GADL1: variants seen among roughly 807,000 people sequenced by gnomAD.
GADL1 encodes acidic amino acid decarboxylase GADL1.
In GADL1, 71 loss-of-function variants were observed where a neutral mutation model predicts 69.5. The observed-to-expected ratio is 1.02, with a 90% CI of 0.84 to 1.25. The LOEUF (loss-of-function observed/expected upper bound fraction) is 1.25. GADL1 is among the 50% of genes most tolerant of loss of function. The pLI, the probability that GADL1 is intolerant of heterozygous loss-of-function variation, is 0.00. For missense variants in GADL1, 737 were observed against 631.8 expected (o/e 1.17, Z -1.79); for synonymous variants, 254 against 214.4 (o/e 1.18, Z -1.62).
intron 14 of GADL1, among the ~76,000 whole-genome samples, chr3:30,751,118 G>A (rs535084373): frequency 3.4e-4 from 51 of 152,170 alleles, no homozygotes; most frequent in Non-Finnish European, 5.6e-4. Context: ...GGCAAGATTG[G>A]GCAGCTTACG....
chr3:30,757,029 C>A (rs1281073398), intron 14 of GADL1, among the ~76,000 whole-genome samples: 1 of 152,116 alleles, frequency 6.6e-6, no homozygotes. Flanking sequence ...CAGCATTACC[C>A]CTCAGCTTCC....
Position 30,728,275 on chromosome 3 carries a change from C to T in GADL1, c.1533G>A (p.Leu511=), listed in dbSNP as rs1559481131. The T allele has an allele frequency of 6.2e-7, 1 of 1,613,838 alleles. No homozygotes were observed. The highest frequency in any genetic ancestry group is 8.5e-7 in the Non-Finnish European group (1 of 1,179,808). The change falls in exon 15 of 15, where the codon CTG becomes CTA. Residue 511 remains leucine, a synonymous_variant. Transcript: ENST00000282538. Reference sequence around the variant, plus strand: ...CTTTACCCAGTAAGTCTATCTCATCCAGGAGGAAGTCCATGTCCTCCCGGC... The same window carrying T: ...CTTTACCCAGTAAGTCTATCTCATCTAGGAGGAAGTCCATGTCCTCCCGGC... ...QVSREDMDFL[L]DEIDLLGKDM is the part of the protein sequence containing the mutation.
chr3:30,763,677 T>C (rs1476563217), intron 14 of GADL1, among the ~76,000 whole-genome samples: 1 of 152,186 alleles, frequency 6.6e-6, no homozygotes, highest in Non-Finnish European at 1.5e-5. Flanking sequence ...TCTCAGAATT[T>C]ATTGAATACC....
At chr3:30,857,474 A>T (rs957448276) in intron 2 of GADL1, among the ~76,000 whole-genome samples, 2 of 152,038 alleles carry the variant, frequency 1.3e-5, no homozygotes, top group African/African-American at 4.8e-5. Context: ...ATTAAAAAAG[A>T]TAAAAAATTC....
intron 11 of GADL1, among the ~76,000 whole-genome samples, chr3:30,807,575 A>G (rs2125510408): frequency 6.6e-6 from 1 of 152,310 alleles, no homozygotes. Context: ...TAAAATAAGA[A>G]TGACCCAGGG....
rs1435439265 is a variant in GADL1 at position 30,785,385 on chromosome 3, T to TTTAC, written c.1302+969_1302+970insGTAA. Reference sequence around the variant, plus strand: ...CAAAAAAGCTAGATTTCTTTTTCTTTTTTTTTTTTTCCCCCCGAGACAGAG... The same window carrying TTTAC: ...CAAAAAAGCTAGATTTCTTTTTCTTTTTACTTTTTTTTTTCCCCCCGAGACAGAG... On this transcript the variant is annotated intron_variant, in intron 13 of 14. Transcript: ENST00000282538. Among the ~76,000 whole-genome samples the TTTAC allele has an allele frequency of 1.1e-4, 16 of 142,026 alleles. No individual in the cohort carries two copies. The East Asian group carries it at 6.8e-3, about 60-fold the overall frequency. 93.2% of individuals were successfully genotyped at this position (142,026 alleles called of 152,430 possible).
chr3:30,739,657 T>A (rs1015143322), intron 14 of GADL1, among the ~76,000 whole-genome samples: 7 of 152,192 alleles, frequency 4.6e-5, no homozygotes, highest in Admixed American at 3.3e-4. Context: ...CCTTGGTATT[T>A]CAATCTCAGA....
intron 11 of GADL1, among the ~76,000 whole-genome samples, chr3:30,803,310 T>G (rs1444889180): frequency 6.6e-6 from 1 of 152,176 alleles, no homozygotes; most frequent in African/African-American, 2.4e-5. Context: ...TTTGGTTGTT[T>G]CCATAGCAAC....
chr3:30,812,534 G>T (rs1480562421), intron 11 of GADL1, among the ~76,000 whole-genome samples: 2 of 152,110 alleles, frequency 1.3e-5, no homozygotes, highest in African/African-American at 4.8e-5. Context: ...GAATAGCATG[G>T]GAAAGACCTG....
chr3:30,825,683 C>T (rs370718521), intron 11 of GADL1, among the ~76,000 whole-genome samples: 4 of 116,852 alleles, frequency 3.4e-5, no homozygotes, highest in Non-Finnish European at 7.0e-5. Context: ...AGAAAACCAA[C>T]GCTGCAGGTT....
intron 14 of GADL1, among the ~76,000 whole-genome samples, chr3:30,729,150 T>C (rs1442400611): frequency 1.3e-5 from 2 of 152,182 alleles, no homozygotes; most frequent in African/African-American, 4.8e-5. Context: ...ATAATCCAGA[T>C]ACACAGATTT....
chr3:30,784,607 C>CT (rs1274720475), intron 13 of GADL1, among the ~76,000 whole-genome samples: 1 of 152,224 alleles, frequency 6.6e-6, no homozygotes, highest in African/African-American at 2.4e-5. Context: ...ATTTCCCAAA[C>CT]TTCCCTGAGG....
intron 11 of GADL1, among the ~76,000 whole-genome samples, chr3:30,810,474 G>A (rs1217324244): frequency 6.6e-6 from 1 of 152,158 alleles, no homozygotes; most frequent in Non-Finnish European, 1.5e-5. Context: ...CCCTTTGGTT[G>A]ATATGCTCTT....
chr3:30,849,727 T>A (rs1316285162), intron 6 of GADL1, among the ~76,000 whole-genome samples: 1 of 152,152 alleles, frequency 6.6e-6, no homozygotes, highest in Non-Finnish European at 1.5e-5. Flanking sequence ...AAAAAGAGAT[T>A]CACAGAGATA....
At chr3:30,879,575 T>A (rs559191479) in intron 1 of GADL1, among the ~76,000 whole-genome samples, 1 of 152,008 alleles carries the variant, frequency 6.6e-6, no homozygotes, top group East Asian at 1.9e-4. Flanking sequence ...AACTATCATA[T>A]AACCATCCAC....
chr3:30,857,580 C>G (rs2125535291), intron 2 of GADL1, among the ~76,000 whole-genome samples: 1 of 151,982 alleles, frequency 6.6e-6, no homozygotes, highest in African/African-American at 2.4e-5. Flanking sequence ...AATGCTGAAG[C>G]AGTTTTTCTC....
At chr3:30,754,902 A>G (rs1695931933) in intron 14 of GADL1, among the ~76,000 whole-genome samples, 1 of 151,844 alleles carries the variant, frequency 6.6e-6, no homozygotes. Flanking sequence ...AGGATTTTTA[A>G]ATTATTCAGT....
Position 30,764,349 on chromosome 3 carries a change from A to AT in GADL1, c.1392+13829dup, listed in dbSNP as rs143747066. ...TAGACTCTAAGAGAAACCATGCAAA[A>AT]TTTGTTAGATTACACTTAAAACATA... On this transcript the variant is annotated intron_variant, in intron 14 of 14. Transcript: ENST00000282538. 0.011 allele frequency among the ~76,000 whole-genome samples: 1,677 copies of AT among 151,970 alleles called. 137 individuals are homozygous for AT. The East Asian group carries it at 0.22, about 20-fold the overall frequency.
At chr3:30,775,946 A>C (rs553722239) in intron 14 of GADL1, among the ~76,000 whole-genome samples, 14 of 152,260 alleles carry the variant, frequency 9.2e-5, no homozygotes, top group African/African-American at 2.9e-4. Flanking sequence ...TCAGCTAAGC[A>C]TGATGGTGGG....
Sources: gnomAD v4.1 joint callset for allele counts (sites outside exome capture counted in the v4.1 genomes callset) on GRCh38, gnomAD v4.1.1 for gene constraint, MANE v1.5 for transcripts, NCBI Gene and HGNC (gene_info 2026-07-23, HGNC 2026-07-21) for gene names.